Variants in NKAIN2 observed in about 807,000 individuals in gnomAD.
NKAIN2 encodes sodium/potassium transporting ATPase interacting 2, also known as sodium/potassium-transporting ATPase subunit beta-1-interacting protein 2.
A neutral mutation model predicts 32.6 loss-of-function variants in NKAIN2; 14 were observed. That is an observed-to-expected ratio of 0.43 (90% CI 0.28 to 0.67). The LOEUF is 0.67. Among genes scored for constraint, NKAIN2 ranks in the 30% least tolerant of loss-of-function variants. The pLI is 0.17. For missense variants in NKAIN2, 198 were observed against 258.3 expected (o/e 0.77, Z 1.60); for synonymous variants, 80 against 87.2 (o/e 0.92, Z 0.46).
At chr6:123,962,421 T>G (rs979263944) in intron 1 of NKAIN2, among the ~76,000 whole-genome samples, 9 of 152,280 alleles carry the variant, frequency 5.9e-5, no homozygotes, top group African/African-American at 2.2e-4. Context: ...GCAGAGCTAT[T>G]TAAGAATCAA....
intron 3 of NKAIN2, among the ~76,000 whole-genome samples, chr6:124,423,270 T>C (rs1039361013): frequency 6.6e-6 from 1 of 152,220 alleles, no homozygotes; most frequent in Non-Finnish European, 1.5e-5. Flanking sequence ...GCATTGATCT[T>C]ACAGCCAATG....
At chr6:124,442,069 T>A (rs1775714763) in intron 3 of NKAIN2, among the ~76,000 whole-genome samples, 2 of 152,032 alleles carry the variant, frequency 1.3e-5, no homozygotes, top group Admixed American at 1.3e-4. Context: ...AGATTTTAAA[T>A]ATAGTGCCTA....
chr6:124,761,495 G>T (rs1472191367), intron 4 of NKAIN2, among the ~76,000 whole-genome samples: 1 of 152,030 alleles, frequency 6.6e-6, no homozygotes, highest in Non-Finnish European at 1.5e-5. Flanking sequence ...TCACCCACTG[G>T]CTCTCATAGA....
At chr6:124,264,657 A>T (rs1164657068) in intron 1 of NKAIN2, among the ~76,000 whole-genome samples, 1 of 152,210 alleles carries the variant, frequency 6.6e-6, no homozygotes, top group African/African-American at 2.4e-5. Flanking sequence ...CTGTAGAAAA[A>T]GATTGGACCC....
chr6:124,061,574 G>T (rs565502796), intron 1 of NKAIN2, among the ~76,000 whole-genome samples: 1 of 152,178 alleles, frequency 6.6e-6, no homozygotes, highest in East Asian at 1.9e-4. Flanking sequence ...GAGAGTAAAT[G>T]CAGAACTGTT....
chr6:124,105,057 G>T (rs1785054036), intron 1 of NKAIN2, among the ~76,000 whole-genome samples: 1 of 152,172 alleles, frequency 6.6e-6, no homozygotes, highest in African/African-American at 2.4e-5. Context: ...AAGATTATAG[G>T]CAGGGCTGAA....
chr6:124,286,780 C>G (rs542432679), intron 2 of NKAIN2, among the ~76,000 whole-genome samples: 6 of 152,096 alleles, frequency 3.9e-5, no homozygotes, highest in South Asian at 4.2e-4. Flanking sequence ...CTCCCAGGTT[C>G]AAGCAATTCT....
At chr6:123,851,007 G>A (rs1215074710) in intron 1 of NKAIN2, among the ~76,000 whole-genome samples, 2 of 151,642 alleles carry the variant, frequency 1.3e-5, no homozygotes, top group Non-Finnish European at 2.9e-5. Context: ...TATTTTTTTC[G>A]TAAATAATAG....
intron 4 of NKAIN2, among the ~76,000 whole-genome samples, chr6:124,717,381 A>G (rs980270700): frequency 6.6e-6 from 1 of 152,194 alleles, no homozygotes; most frequent in Admixed American, 6.5e-5. Flanking sequence ...ACTCCAGATA[A>G]TTAAAAATTT....
intron 2 of NKAIN2, among the ~76,000 whole-genome samples, chr6:124,330,858 G>A (rs1310516532): frequency 6.6e-6 from 1 of 152,122 alleles, no homozygotes; most frequent in East Asian, 1.9e-4. Flanking sequence ...GATTCTCACA[G>A]GAGCGCCAAC....
intron 3 of NKAIN2, among the ~76,000 whole-genome samples, chr6:124,417,279 G>A (rs991972471): frequency 3.3e-5 from 5 of 151,998 alleles, no homozygotes; most frequent in African/African-American, 1.2e-4. Context: ...CAAAGATATA[G>A]AATATAGAGA....
At chr6:124,246,858 A>G (rs910186890) in intron 1 of NKAIN2, among the ~76,000 whole-genome samples, 2 of 152,070 alleles carry the variant, frequency 1.3e-5, no homozygotes, top group Admixed American at 6.6e-5. Flanking sequence ...TTCAAACAAC[A>G]TAAATGTGCT....
intron 3 of NKAIN2, among the ~76,000 whole-genome samples, chr6:124,357,537 G>A (rs1286288321): frequency 2.6e-5 from 4 of 151,870 alleles, no homozygotes; most frequent in African/African-American, 4.8e-5. Flanking sequence ...AAAAAAAAAA[G>A]CAATTTGAAT....
intron 3 of NKAIN2, among the ~76,000 whole-genome samples, chr6:124,556,908 C>T (rs1307610947): frequency 6.6e-6 from 1 of 151,934 alleles, no homozygotes; most frequent in East Asian, 1.9e-4. Flanking sequence ...AATTAAATCC[C>T]TATTTAATCA....
At chr6:124,539,044 T>TAAGGCAAGAATTA (rs1421119343) in intron 3 of NKAIN2, among the ~76,000 whole-genome samples, 3 of 152,190 alleles carry the variant, frequency 2.0e-5, no homozygotes, top group Admixed American at 1.3e-4. Flanking sequence ...TTAATTTCAT[T>TAAGGCAAGAATTA]TGAAATGAAT....
chr6:124,055,148 A>G (rs1449809252), intron 1 of NKAIN2, among the ~76,000 whole-genome samples: 4 of 152,078 alleles, frequency 2.6e-5, no homozygotes, highest in Non-Finnish European at 4.4e-5. Flanking sequence ...TTTTCATCAT[A>G]GGGAAGTTAG....
At chr6:123,938,431 T>C (rs1562267286) in intron 1 of NKAIN2, among the ~76,000 whole-genome samples, 7 of 41,508 alleles carry the variant, frequency 1.7e-4, no homozygotes, top group South Asian at 7.2e-4. Context: ...TATATATATA[T>C]ATATATATAT....
intron 3 of NKAIN2, among the ~76,000 whole-genome samples, chr6:124,473,900 A>G (rs369929241): frequency 6.6e-6 from 1 of 152,184 alleles, no homozygotes; most frequent in African/African-American, 2.4e-5. Flanking sequence ...TGTGCAAACA[A>G]CTGCTAAAGC....
At chr6:124,162,072 T>G (rs1268213277) in intron 1 of NKAIN2, among the ~76,000 whole-genome samples, 1 of 152,172 alleles carries the variant, frequency 6.6e-6, no homozygotes, top group Non-Finnish European at 1.5e-5. Flanking sequence ...TTTCTTTTAT[T>G]TCTGGGGAAA....
Sources: gnomAD v4.1 joint callset for allele counts (sites outside exome capture counted in the v4.1 genomes callset) on GRCh38, gnomAD v4.1.1 for gene constraint, MANE v1.5 for transcripts, NCBI Gene and HGNC (gene_info 2026-07-23, HGNC 2026-07-21) for gene names.